The following PRDM1 variants were observed in gnomAD, a reference collection of about 807,000 sequenced individuals.
PRDM1 encodes PR/SET domain 1.
In PRDM1, 13 loss-of-function variants were observed where a neutral mutation model predicts 62.8. That is an observed-to-expected ratio of 0.21 (90% confidence interval 0.13 to 0.33). The LOEUF is 0.33. PRDM1 is among the 10% of genes least tolerant of loss of function. The pLI is 1.00. For synonymous variants in PRDM1, 396 were observed against 417.6 expected (o/e 0.95, Z 0.63); for missense variants, 895 against 1,058.8 (o/e 0.85, Z 2.15).
chr6:106,107,677 C>CATATATATACAT lies in PRDM1; in HGVS notation c.*200_*201insCATATATATATA, dbSNP rs1774539725. 1 of 193,740 alleles carries CATATATATACAT rather than the reference C, an allele frequency of 5.2e-6. No homozygotes were observed. The highest frequency in any genetic ancestry group is 6.0e-5 in the Admixed American group (1 of 16,584). The allele number at this position is 193,740 out of a possible 1,614,324, so 12.0% of individuals were successfully genotyped here. ...CTCAGGGCATGAACAAGGCAAAGGC[C>CATATATATACAT]ATATATATATATATATATATATCTG... is the stretch of plus-strand genomic sequence containing the variant. On this transcript the variant is annotated 3_prime_UTR_variant, in exon 7 of 7. Transcript: ENST00000369096.
At chr6:106,015,775 T>G (rs1296140156) in intron 1 of PRDM1, among the ~76,000 whole-genome samples, 3 of 152,148 alleles carry the variant, frequency 2.0e-5, no homozygotes, top group Admixed American at 6.5e-5. Flanking sequence ...TGTTTTTTCC[T>G]TTTCTTTCTT....
Position 106,105,603 on chromosome 6 carries a change from G to A in PRDM1, c.1443G>A (p.Pro481=), listed in dbSNP as rs777578275. The A allele has an allele frequency of 1.2e-6, 2 of 1,613,170 alleles. No homozygotes were observed. The highest frequency in any genetic ancestry group is 1.1e-5 in the South Asian group (1 of 91,046). ...ATGGAGCCCGGAGGTTGCTCCAGCC[G>A]GAGCATCCCAGGGAGGTGCTTGTCC... ...PSDGARRLLQ[P]EHPREVLVPA... is the part of the protein sequence containing the mutation. The change falls in exon 5 of 7, where the codon CCG becomes CCA. Residue 481 remains proline, a synonymous_variant. Transcript: ENST00000369096.
At chr6:105,997,330 GCTT>G (rs1267329301) in intron 1 of PRDM1, among the ~76,000 whole-genome samples, 4 of 152,090 alleles carry the variant, frequency 2.6e-5, no homozygotes, top group Admixed American at 2.6e-4. Flanking sequence ...TTGTTCTAGA[GCTT>G]CTTCGTGTGT....
chr6:106,098,737 T>C, intron 3 of PRDM1: 2 of 1,423,938 alleles, frequency 1.4e-6, no homozygotes, highest in Non-Finnish European at 1.9e-6. Flanking sequence ...GTTCCAAGTA[T>C]TCATATGAAC....
chr6:105,993,503 TTTC>T (rs758775762), exon 1 of PRDM1, among the ~76,000 whole-genome samples: 50 of 152,234 alleles, frequency 3.3e-4, no homozygotes, highest in Non-Finnish European at 4.6e-4. Flanking sequence ...AGTTGCTTGC[TTTC>T]TAGGTTCATC....
intron 1 of PRDM1, among the ~76,000 whole-genome samples, chr6:106,058,598 G>A (rs1360984385): frequency 6.6e-6 from 1 of 152,084 alleles, no homozygotes; most frequent in African/African-American, 2.4e-5. Flanking sequence ...TAAAGATAGA[G>A]TGTCACTGTT....
At chr6:106,091,505 C>T (rs569647797) in intron 2 of PRDM1, among the ~76,000 whole-genome samples, 10 of 152,282 alleles carry the variant, frequency 6.6e-5, no homozygotes, top group South Asian at 4.1e-4. Flanking sequence ...GATTGCCGGG[C>T]GCGGTGGCTC....
At chr6:106,066,577 C>T (rs1055201951) in intron 1 of PRDM1, among the ~76,000 whole-genome samples, 4 of 152,236 alleles carry the variant, frequency 2.6e-5, no homozygotes, top group Admixed American at 6.5e-5. Flanking sequence ...ATACAATAGA[C>T]ATTCAGAAAG....
At chr6:106,005,314 T>C (rs1212768795) in intron 1 of PRDM1, among the ~76,000 whole-genome samples, 1 of 152,250 alleles carries the variant, frequency 6.6e-6, no homozygotes, top group African/African-American at 2.4e-5. Flanking sequence ...AGGGTTTGTC[T>C]CTACTAAATA....
Position 106,108,659 on chromosome 6 carries a change from TG to T in PRDM1, c.*1177del, listed in dbSNP as rs1463137784. 4 of 233,402 alleles carry T rather than the reference TG, an allele frequency of 1.7e-5. No homozygotes were observed. The highest frequency in any genetic ancestry group is 8.8e-5 in the African/African-American group (4 of 45,236). The allele number at this position is 233,402 out of a possible 1,614,324, so 14.5% of individuals were successfully genotyped here. A position where few individuals can be genotyped will look rare whatever the true frequency, so the allele number is the denominator to read the frequency against. On this transcript the variant is annotated 3_prime_UTR_variant, in exon 7 of 7. Transcript: ENST00000369096. The stretch of plus-strand genomic sequence containing the variant: ...CAAAAAACGGGTATTCTAGTCATCT[TG>T]GGGTAAAAGCGGGTAATGAACATTC...
Position 106,066,752 on chromosome 6 carries a change from G to T in PRDM1, c.-67+18038G>T, listed in dbSNP as rs9384596. Among the ~76,000 whole-genome samples the T allele has an allele frequency of 2.8e-3, 423 of 152,038 alleles. 15 individuals carry two copies. The East Asian group carries it at 0.067, about 24-fold the overall frequency. Reference sequence around the variant, plus strand: ...TGTGTTTCTAGTCTTTTTTTCCTGTGGGTATACATATATACACATTTTCCA... The same window carrying T: ...TGTGTTTCTAGTCTTTTTTTCCTGTTGGTATACATATATACACATTTTCCA... On this transcript the variant is annotated intron_variant, in intron 1 of 6. Transcript: ENST00000651185.
intron 1 of PRDM1, among the ~76,000 whole-genome samples, 158 bp downstream of exon 1, chr6:106,086,753 A>C (rs1773819910): frequency 6.6e-6 from 1 of 152,076 alleles, no homozygotes; most frequent in Non-Finnish European, 1.5e-5. Flanking sequence ...CATTTGTGAG[A>C]CTTTCCTTAT....
At chr6:106,041,813 T>TA (rs1251025118) in intron 1 of PRDM1, among the ~76,000 whole-genome samples, 11 of 149,124 alleles carry the variant, frequency 7.4e-5, no homozygotes, top group Non-Finnish European at 1.5e-4. Context: ...TTCTTTCTTT[T>TA]TTTTTTTTTT....
upstream of PRDM1, among the ~76,000 whole-genome samples, chr6:106,085,362 T>C (rs1773771968): frequency 6.6e-6 from 1 of 152,242 alleles, no homozygotes; most frequent in African/African-American, 2.4e-5. Flanking sequence ...AATGGGGTGT[T>C]TGCTATAAAC....
intron 1 of PRDM1, among the ~76,000 whole-genome samples, chr6:106,042,963 G>C (rs917301032): frequency 1.3e-5 from 2 of 152,188 alleles, no homozygotes; most frequent in Non-Finnish European, 2.9e-5. Context: ...AGATTCTCCT[G>C]CCTCAGCCTC....
chr6:106,086,609 ATTTT>A lies in PRDM1; in HGVS notation c.42+23_42+26del, dbSNP rs760651087. On this transcript the variant is annotated intron_variant, in intron 1 of 6. Transcript: ENST00000369096. ...GGTACGACCTTGGTAAGGAACTTGA[ATTTT>A]TTTTTTTTAATTCTGAAATTGATCT... The A allele has an allele frequency of 2.4e-6, 3 of 1,240,188 alleles. No individual in the cohort carries two copies. Among genetic ancestry groups the A allele is most frequent in the South Asian group, 3.1e-5 (2 of 63,944 alleles). The allele number at this position is 1,240,188 out of a possible 1,614,324, so 76.8% of individuals were successfully genotyped here.
Position 106,014,058 on chromosome 6 carries a change from A to ATTTTTTTT in PRDM1, c.-67+20435_-67+20442dup, listed in dbSNP as rs71006664. On this transcript the variant is annotated intron_variant, in intron 1 of 6. Transcript: ENST00000652320. ...AATGCTAACTCTATGAGGACAAGGAATTTTTTTTTTTTTTTTTTTTTTTGA... is the reference window on the plus strand; with the variant it reads ...AATGCTAACTCTATGAGGACAAGGAATTTTTTTTTTTTTTTTTTTTTTTTTTTTTTTGA... 6.7e-5 allele frequency among the ~76,000 whole-genome samples: 7 copies of ATTTTTTTT among 105,098 alleles called. 1 individual carries two copies. Among genetic ancestry groups the ATTTTTTTT allele is most frequent in the African/African-American group, 7.4e-5 (2 of 27,166 alleles). The allele number at this position is 105,098 out of a possible 152,430, so 68.9% of individuals were successfully genotyped here.
chr6:106,031,468 T>C (rs1772843452), intron 1 of PRDM1, among the ~76,000 whole-genome samples: 1 of 152,062 alleles, frequency 6.6e-6, no homozygotes, highest in South Asian at 2.1e-4. Flanking sequence ...AAAATGAGGA[T>C]GTTGGGGAAT....
intron 1 of PRDM1, among the ~76,000 whole-genome samples, chr6:106,023,138 A>C (rs1772718815): frequency 6.6e-6 from 1 of 152,170 alleles, no homozygotes; most frequent in Admixed American, 6.5e-5. Context: ...CACTGTCTTG[A>C]TGTAAAAGTA....
Sources: gnomAD v4.1 joint callset for allele counts (sites outside exome capture counted in the v4.1 genomes callset) on GRCh38, gnomAD v4.1.1 for gene constraint, MANE v1.5 for transcripts, NCBI Gene and HGNC (gene_info 2026-07-23, HGNC 2026-07-21) for gene names.